The following PBX3 variants were observed in gnomAD, a reference collection of about 807,000 sequenced individuals.
The protein encoded by PBX3 is PBX homeobox 3, also known as pre-B-cell leukemia transcription factor 3.
In PBX3, 14 loss-of-function variants were observed where a neutral mutation model predicts 48.5. The observed-to-expected ratio is 0.29, with a 90% confidence interval of 0.19 to 0.45. The LOEUF (loss-of-function observed/expected upper bound fraction) is 0.45, where lower values mean the gene tolerates loss of function less well. Ranked by LOEUF, PBX3 falls within the 20% of genes least tolerant of loss-of-function variation. The probability of loss-of-function intolerance (pLI) is 1.00; values close to 1 mark genes in which losing one functional copy is unlikely to be tolerated. For synonymous variants in PBX3, 210 were observed against 200.3 expected (o/e 1.05, Z -0.41); for missense variants, 386 against 546.7 (o/e 0.71, Z 2.93).
chr9:125,913,696 A>G (rs1342479242), intron 2 of PBX3, among the ~76,000 whole-genome samples: 3 of 152,152 alleles, frequency 2.0e-5, no homozygotes, highest in Admixed American at 6.6e-5. Flanking sequence ...ACATGTCCAT[A>G]GGGAAAAGAT....
At chr9:125,792,843 C>T (rs1431210218) in intron 2 of PBX3, among the ~76,000 whole-genome samples, 2 of 151,516 alleles carry the variant, frequency 1.3e-5, no homozygotes, top group African/African-American at 4.8e-5. Flanking sequence ...GGACTACAGG[C>T]GTGTGCCACC....
chr9:125,876,155 A>T (rs1840242440), intron 2 of PBX3, among the ~76,000 whole-genome samples: 1 of 152,160 alleles, frequency 6.6e-6, no homozygotes, highest in African/African-American at 2.4e-5. Context: ...TTCCTTTAGG[A>T]TGCCTTCCTC....
intron 4 of PBX3, 49 bp downstream of exon 4, chr9:125,929,894 C>T (rs750407831): frequency 7.2e-7 from 1 of 1,382,232 alleles, no homozygotes. Flanking sequence ...GTCTGTCACT[C>T]CTTGTGTATT....
intron 4 of PBX3, among the ~76,000 whole-genome samples, chr9:125,932,189 C>T (rs1588310140): frequency 6.6e-6 from 1 of 152,090 alleles, no homozygotes; most frequent in East Asian, 1.9e-4. Context: ...GGAATGGAGC[C>T]CGGAATGGAA....
At chr9:125,763,744 G>A (rs545720254) in intron 2 of PBX3, among the ~76,000 whole-genome samples, 2 of 152,300 alleles carry the variant, frequency 1.3e-5, no homozygotes, top group East Asian at 1.9e-4. Context: ...GCACGGGAAC[G>A]CTGTCCCTCC....
intron 5 of PBX3, chr9:125,949,406 G>A: frequency 6.4e-7 from 1 of 1,550,812 alleles, no homozygotes; most frequent in Non-Finnish European, 8.7e-7. Flanking sequence ...AAAGAAAGAG[G>A]GAGCAAAGGT....
chr9:125,950,160 A>G (rs1172782420), intron 5 of PBX3, among the ~76,000 whole-genome samples: 1 of 152,208 alleles, frequency 6.6e-6, no homozygotes, highest in Non-Finnish European at 1.5e-5. Context: ...GAACAGTGTC[A>G]TCCATTTTCT....
At chr9:125,771,652 A>G (rs1406308665) in intron 2 of PBX3, among the ~76,000 whole-genome samples, 1 of 152,208 alleles carries the variant, frequency 6.6e-6, no homozygotes, top group Admixed American at 6.5e-5. Flanking sequence ...TTTAAGCAAC[A>G]TTAATGATCT....
At chr9:125,820,889 G>A (rs1374989748) in intron 2 of PBX3, among the ~76,000 whole-genome samples, 1 of 152,160 alleles carries the variant, frequency 6.6e-6, no homozygotes, top group African/African-American at 2.4e-5. Flanking sequence ...ACAAATTAAT[G>A]TTTTGTTCAG....
rs114526022 is a variant in PBX3 at position 125,773,397 on chromosome 9, C to T, written c.274+24774C>T. Reference sequence around the variant, plus strand: ...ACCTCTGAGTCTGCTGATAACCTACCTAAGTCTGAAAACCTATCTTATGTG... The same window carrying T: ...ACCTCTGAGTCTGCTGATAACCTACTTAAGTCTGAAAACCTATCTTATGTG... On this transcript the variant is annotated intron_variant, in intron 2 of 8. Coordinates refer to ENST00000373489, the MANE Select transcript of PBX3 (RefSeq NM_006195.6). Among the ~76,000 whole-genome samples the T allele has an allele frequency of 2.7e-3, 406 of 152,254 alleles. 1 individual carries two copies. The highest frequency in any genetic ancestry group is 9.4e-3 in the African/African-American group (389 of 41,544).
At chr9:125,911,539 C>T (rs528539801) in intron 2 of PBX3, among the ~76,000 whole-genome samples, 2 of 152,132 alleles carry the variant, frequency 1.3e-5, no homozygotes, top group Admixed American at 6.5e-5. Flanking sequence ...TTAAAATTGT[C>T]GCTTATTTCA....
rs1301668303 is a variant in PBX3 at position 125,899,481 on chromosome 9, AG to A, written c.275-16204del. ...GAGAGAGAGAGAGAGAGAGAGAGAG[AG>A]AGAGAGCTCACCCACAGGCAGGGGA... On this transcript the variant is annotated intron_variant, in intron 2 of 8. Transcript: ENST00000373489. 4.1e-5 allele frequency among the ~76,000 whole-genome samples: 6 copies of A among 146,216 alleles called. 1 individual carries two copies. The highest frequency in any genetic ancestry group is 4.0e-4 in the East Asian group (2 of 5,046).
intron 2 of PBX3, among the ~76,000 whole-genome samples, chr9:125,890,892 A>T (rs1337526696): frequency 6.6e-6 from 1 of 152,196 alleles, no homozygotes; most frequent in Non-Finnish European, 1.5e-5. Context: ...CTTTAAAATA[A>T]AGGATTGTGT....
At chr9:125,957,934 C>G (rs1184636921) in intron 5 of PBX3, among the ~76,000 whole-genome samples, 3 of 152,204 alleles carry the variant, frequency 2.0e-5, no homozygotes, top group African/African-American at 4.8e-5. Context: ...CAAGCCAACT[C>G]TAGGTCTGTC....
At chr9:125,791,826 C>G (rs1481589803) in intron 2 of PBX3, among the ~76,000 whole-genome samples, 1 of 151,732 alleles carries the variant, frequency 6.6e-6, no homozygotes. Context: ...GTCCCAGCTA[C>G]TCGGGAGGCT....
At chr9:125,797,978 C>T (rs1254022108) in intron 2 of PBX3, among the ~76,000 whole-genome samples, 5 of 152,040 alleles carry the variant, frequency 3.3e-5, no homozygotes, top group Non-Finnish European at 5.9e-5. Context: ...AAATAGCAAC[C>T]GGTTTCATTT....
At chr9:125,845,028 T>TA in intron 2 of PBX3, 1 of 152,260 alleles carries the variant, frequency 6.6e-6, no homozygotes, top group South Asian at 2.1e-4. Context: ...TATGCTTTTT[T>TA]AAAAATACTG....
chr9:125,878,919 T>C (rs2132343832), intron 2 of PBX3, among the ~76,000 whole-genome samples: 1 of 152,312 alleles, frequency 6.6e-6, no homozygotes, highest in African/African-American at 2.4e-5. Flanking sequence ...TTTTTGTGTA[T>C]ATCTTTTAAG....
rs550399596 is a variant in PBX3 at position 125,860,431 on chromosome 9, A to G, written c.275-55255A>G. 4.3e-4 allele frequency among the ~76,000 whole-genome samples: 66 copies of G among 152,364 alleles called. 1 individual carries two copies. The Middle Eastern group carries it at 0.014, about 31-fold the overall frequency. ...ATCACAATTAGCACAGTAGAAAACT[A>G]AAGAACTCTAGGTAGCCAGTGAAGG... is the stretch of plus-strand genomic sequence containing the variant. On this transcript the variant is annotated intron_variant, in intron 2 of 8. Coordinates refer to ENST00000373489, the MANE Select transcript of PBX3 (RefSeq NM_006195.6).
Sources: allele counts gnomAD v4.1 joint callset (sites outside exome capture counted in the v4.1 genomes callset), GRCh38; gene constraint gnomAD v4.1.1; transcripts MANE v1.5; gene names NCBI Gene and HGNC (gene_info 2026-07-23, HGNC 2026-07-21).